Variants in PSG5 observed in about 807,000 individuals in gnomAD.
The protein encoded by PSG5 is pregnancy specific beta-1-glycoprotein 5, also known as pregnancy-specific beta-1-glycoprotein 5.
Under a neutral mutation model 37.7 loss-of-function variants are expected in PSG5, and 53 were observed. The observed-to-expected ratio is 1.41, with a 90% CI of 1.13 to 1.77. The LOEUF (loss-of-function observed/expected upper bound fraction) is 1.77, where lower values mean the gene tolerates loss of function less well. Ranked by LOEUF, PSG5 falls within the 40% of genes most tolerant of loss-of-function variation. The probability of loss-of-function intolerance (pLI) is 0.00; values close to 1 mark genes in which losing one functional copy is unlikely to be tolerated. For synonymous variants in PSG5, 221 were observed against 155.4 expected, an observed-to-expected ratio of 1.42 and a Z score of -3.14; for missense variants, 547 against 405.2, an observed-to-expected ratio of 1.35 and a Z score of -3.00.
rs147144682 is a variant in PSG5, at chr19:43,184,920, G to C, written c.292C>G (p.Arg98Gly). 2 of 1,612,450 alleles carry C rather than the reference G, an allele frequency of 1.2e-6. No homozygotes were observed. Among genetic ancestry groups the C allele is most frequent in the African/African-American group, 1.3e-5 (1 of 74,558 alleles). Residue 98 changes from arginine (R) to glycine (G), a missense_variant, in exon 2 of 6, where the codon CGA becomes GGA. Arg to Gly is a moderately radical substitution (Grantham distance 125). Transcript: ENST00000342951. Reference sequence around the variant, plus strand: ...GATGCATTGGAATATACTGTTTCTCGTCCAGTGTATGCAGGCCCATATATA... The same window carrying C: ...GATGCATTGGAATATACTGTTTCTCCTCCAGTGTATGCAGGCCCATATATA... ...INIYGPAYTGRETVYSNASLL... is the reference protein window; with the variant it reads ...INIYGPAYTGGETVYSNASLL...
In PSG5 at chr19:43,175,996, G is replaced by T. The variant is rs1421766335; in HGVS notation, c.583C>A (p.Arg195=). ...ATGAGGATCCTGTTTTCAATGGGTC[G>T]CTTTACCCTGGGACTGACCGGGAGG... ...QSLPVSPRVK[R]PIENRILILP... The change falls in exon 3 of 6, where the codon CGA becomes AGA. Residue 195 remains arginine (R), a synonymous_variant. Coordinates refer to ENST00000342951, the MANE Select transcript of PSG5 (RefSeq NM_002781.4). The T allele has an allele frequency of 6.2e-7, 1 of 1,611,284 alleles. No homozygotes were observed. The highest frequency in any genetic ancestry group is 1.3e-5 in the African/African-American group (1 of 74,410).
chr19:43,175,268 C>T lies in PSG5; in HGVS notation c.911G>A (p.Arg304His), dbSNP rs766955993. Reference sequence around the variant, plus strand: ...GCTTTCCTTGCCAGTAGCTGAGTTACGAACAGAGCAAGTATAGAGCCCTCT... The same window carrying T: ...GCTTTCCTTGCCAGTAGCTGAGTTATGAACAGAGCAAGTATAGAGCCCTCT... ...KHRGLYTCSV[R>H]NSATGKESSK... is the part of the protein sequence containing the mutation. The change falls in exon 4 of 6, where the codon CGT becomes CAT. Residue 304 changes from arginine (R) to histidine (H), a missense_variant. Physicochemically the swap from Arg to His is conservative, Grantham distance 29. Coordinates refer to ENST00000342951, the MANE Select transcript of PSG5 (RefSeq NM_002781.4). 1.2e-5 allele frequency: 20 copies of T among 1,612,556 alleles called. No individual in the cohort carries two copies. Among genetic ancestry groups the T allele is most frequent in the Admixed American group, 1.7e-5 (1 of 59,910 alleles).
intron 4 of PSG5, among the ~76,000 whole-genome samples, chr19:43,172,862 C>T (rs1200698845): frequency 6.6e-6 from 1 of 151,398 alleles, no homozygotes; most frequent in African/African-American, 2.4e-5. Flanking sequence ...GACATTTTTG[C>T]AGAAAAAGAC....
At chr19:43,176,263 C>G in intron 2 of PSG5, 115 bp from the exon 3 acceptor site, 1 of 1,500,830 alleles carries the variant, frequency 6.7e-7, no homozygotes, top group Non-Finnish European at 9.0e-7. Flanking sequence ...TCCTTGAAAG[C>G]CAGTAGCTGA....
rs140647794 is a variant in PSG5 at position 43,170,154 on chromosome 19, A to C, written c.965-16T>G. Reference sequence around the variant, plus strand: ...CCTGAAGGAGCTGTCATGGAAAGAAAAGTAAAGAAGGAATGAAGGTGATGT... The same window carrying C: ...CCTGAAGGAGCTGTCATGGAAAGAACAGTAAAGAAGGAATGAAGGTGATGT... On this transcript the variant is annotated splice_polypyrimidine_tract_variant and intron_variant, in intron 4 of 5. Transcript: ENST00000342951. The C allele has an allele frequency of 1.3e-6, 2 of 1,570,870 alleles. No individual in the cohort carries two copies. The highest frequency in any genetic ancestry group is 4.6e-5 in the East Asian group (2 of 43,634).
In PSG5 at chr19:43,168,375, AT is replaced by A. The variant is rs1033142779; in HGVS notation, c.*41-173del. Among the ~76,000 whole-genome samples the A allele has an allele frequency of 6.1e-3, 916 of 150,132 alleles. 24 individuals are homozygous for A. The highest frequency in any genetic ancestry group is 0.021 in the African/African-American group (845 of 40,922). On this transcript the variant is annotated intron_variant, in intron 5 of 5. Coordinates refer to ENST00000342951, the MANE Select transcript of PSG5 (RefSeq NM_002781.4). ...ATTTTTAGAATACTCATTTAAAAAA[AT>A]TTTTTTTTTTGAAATGGAGTCTCAC... is the stretch of plus-strand genomic sequence containing the variant.
At chr19:43,170,559 C>T (rs748722588) in intron 4 of PSG5, 1 of 395,598 alleles carries the variant, frequency 2.5e-6, no homozygotes, top group South Asian at 2.3e-5. Flanking sequence ...CCGTGCATTT[C>T]ACATTCATCA....
intron 2 of PSG5, among the ~76,000 whole-genome samples, chr19:43,180,941 G>C (rs1969114497): frequency 6.6e-6 from 1 of 151,582 alleles, no homozygotes; most frequent in African/African-American, 2.4e-5. Context: ...TTTCTGTGCA[G>C]AGTTAGGAAA....
intron 2 of PSG5, among the ~76,000 whole-genome samples, chr19:43,182,496 C>T (rs1969149337): frequency 1.3e-5 from 2 of 151,384 alleles, no homozygotes; most frequent in South Asian, 4.2e-4. Flanking sequence ...CGAGCACAAA[C>T]AGATCATTTC....
chr19:43,186,202 T>A, intron 1 of PSG5, 140 bp downstream of exon 1: 9 of 1,438,222 alleles, frequency 6.3e-6, no homozygotes, highest in Non-Finnish European at 8.5e-6. Context: ...GACCTTGAAC[T>A]CCTGATCTCA....
chr19:43,175,801 G>A lies in PSG5; in HGVS notation c.709+69C>T, dbSNP rs763849186. On this transcript the variant is annotated intron_variant, in intron 3 of 5. Transcript: ENST00000342951. Reference sequence around the variant, plus strand: ...TATACTTGGACCGGAGAAAGACTGAGAGGACTGGCTTGTGGTCATTTAGAT... The same window carrying A: ...TATACTTGGACCGGAGAAAGACTGAAAGGACTGGCTTGTGGTCATTTAGAT... The A allele has an allele frequency of 8.0e-5, 128 of 1,595,516 alleles. 3 individuals carry two copies. Among genetic ancestry groups the A allele is most frequent in the Non-Finnish European group, 1.1e-4 (124 of 1,169,650 alleles).
chr19:43,172,395 A>G (rs1251434058), intron 4 of PSG5, among the ~76,000 whole-genome samples: 2 of 151,562 alleles, frequency 1.3e-5, no homozygotes, highest in African/African-American at 4.9e-5. Context: ...AGTCAGAAAA[A>G]TTAGGCAAGA....
intron 2 of PSG5, among the ~76,000 whole-genome samples, chr19:43,176,914 G>C (rs1204732840): frequency 2.0e-5 from 3 of 151,448 alleles, no homozygotes; most frequent in Non-Finnish European, 1.5e-5. Context: ...CTTCTGCAGA[G>C]GGCAGGTGAG....
chr19:43,171,859 C>A (rs1599744446), intron 4 of PSG5, among the ~76,000 whole-genome samples: 1 of 150,602 alleles, frequency 6.6e-6, no homozygotes, highest in East Asian at 1.9e-4. Context: ...GTAGTCATAG[C>A]ATCTTGGGAG....
chr19:43,175,524 C>A, intron 3 of PSG5, 55 bp from the exon 4 acceptor site: 1 of 1,559,466 alleles, frequency 6.4e-7, no homozygotes, highest in Non-Finnish European at 8.7e-7. Flanking sequence ...AGGGGATGCT[C>A]CTGGTCTCTT....
chr19:43,182,648 G>C lies in PSG5; in HGVS notation c.430+2134C>G, dbSNP rs1264313317. On this transcript the variant is annotated intron_variant, in intron 2 of 5. Transcript: ENST00000342951. ...AGTAATAATAAACCTCTGTCCTCCT[G>C]TTTGGCAGACTTGGAGTCGTTAAAA... 1.3e-4 allele frequency among the ~76,000 whole-genome samples: 18 copies of C among 143,372 alleles called. No homozygotes were observed. The East Asian group carries it at 3.9e-3, about 31-fold the overall frequency. 94.1% of individuals were successfully genotyped at this position (143,372 alleles called of 152,430 possible).
rs188776346 is a variant in PSG5, at chr19:43,182,535, T to C, written c.430+2247A>G. The stretch of plus-strand genomic sequence containing the variant: ...CTGCCCACATGATTCCATCACCAAA[T>C]AATCAGCAGTACTCATTTTTTAGTC... On this transcript the variant is annotated intron_variant, in intron 2 of 5. Transcript: ENST00000342951. Among the ~76,000 whole-genome samples the C allele has an allele frequency of 6.6e-5, 10 of 151,136 alleles. 2 individuals are homozygous for C. The highest frequency in any genetic ancestry group is 2.6e-4 in the Admixed American group (4 of 15,108).
At chr19:43,186,069 C>T (rs1341989508) in intron 1 of PSG5, among the ~76,000 whole-genome samples, 14 of 151,136 alleles carry the variant, frequency 9.3e-5, no homozygotes, top group South Asian at 2.1e-4. Flanking sequence ...TTCTGCCTCC[C>T]GGGTTCATGT....
chr19:43,181,985 C>A (rs572271108), intron 2 of PSG5, among the ~76,000 whole-genome samples: 4 of 151,646 alleles, frequency 2.6e-5, no homozygotes, highest in Non-Finnish European at 4.4e-5. Context: ...CAGCCTCTGA[C>A]ACCCTGGTGA....
Sources: gnomAD v4.1 joint callset for allele counts (sites outside exome capture counted in the v4.1 genomes callset) on GRCh38, gnomAD v4.1.1 for gene constraint, MANE v1.5 for transcripts, NCBI Gene and HGNC (gene_info 2026-07-23, HGNC 2026-07-21) for gene names.